FMNL2: variants seen among roughly 807,000 people sequenced by gnomAD.
The protein encoded by FMNL2 is formin-like protein 2.
In FMNL2, 51 loss-of-function variants were observed where a neutral mutation model predicts 130.2. The observed-to-expected ratio is 0.39, with a 90% CI of 0.31 to 0.49. The LOEUF (loss-of-function observed/expected upper bound fraction) is 0.49. Among genes scored for constraint, FMNL2 ranks in the 20% least tolerant of loss-of-function variants. The pLI is 0.85. For synonymous variants in FMNL2, 465 were observed against 467.1 expected (o/e 1.00, Z 0.06); for missense variants, 977 against 1,316.2 (o/e 0.74, Z 3.99).
intron 2 of FMNL2, among the ~76,000 whole-genome samples, chr2:152,522,487 T>C (rs1263100270): frequency 1.3e-5 from 2 of 152,212 alleles, no homozygotes; most frequent in Admixed American, 6.5e-5. Flanking sequence ...GGTTTGGCTG[T>C]GTCCCCACTC....
rs1580184753 is a variant in FMNL2, at chr2:152,647,968, T to C, written c.*63T>C. On this transcript the variant is annotated 3_prime_UTR_variant, in exon 26 of 26. Coordinates refer to ENST00000288670, the MANE Select transcript of FMNL2 (RefSeq NM_052905.4). ...AATGAAACTGCCCACATGAACTTTA[T>C]GTGCTACGATTTAACTGCAGCCTTG... The C allele has an allele frequency of 1.5e-6, 2 of 1,335,558 alleles. No individual in the cohort carries two copies. Among genetic ancestry groups the C allele is most frequent in the Non-Finnish European group, 1.0e-6 (1 of 962,848 alleles). 82.7% of individuals were successfully genotyped at this position (1,335,558 alleles called of 1,614,324 possible).
At chr2:152,570,002 C>T (rs1696088229) in intron 6 of FMNL2, among the ~76,000 whole-genome samples, 1 of 105,626 alleles carries the variant, frequency 9.5e-6, no homozygotes, top group African/African-American at 4.1e-5. Flanking sequence ...CAGAGTGAGA[C>T]TCTGTCTCAA....
chr2:152,504,325 C>T (rs1376075246), intron 1 of FMNL2, among the ~76,000 whole-genome samples: 1 of 151,062 alleles, frequency 6.6e-6, no homozygotes, highest in Admixed American at 6.6e-5. Flanking sequence ...CGGCTCACTG[C>T]AACCTCTGCC....
At chr2:152,571,731 C>T (rs538151878) in intron 6 of FMNL2, among the ~76,000 whole-genome samples, 3 of 152,284 alleles carry the variant, frequency 2.0e-5, no homozygotes, top group Non-Finnish European at 2.9e-5. Flanking sequence ...TGGCAAAGGA[C>T]CTGATGCAGG....
At chr2:152,361,633 C>G (rs1455509044) in intron 1 of FMNL2, among the ~76,000 whole-genome samples, 1 of 152,092 alleles carries the variant, frequency 6.6e-6, no homozygotes, top group South Asian at 2.1e-4. Flanking sequence ...TTTTAGCTTT[C>G]TGATTAACAG....
chr2:152,364,261 GTTTTTTTTTTTTT>G (rs869062341), intron 1 of FMNL2, among the ~76,000 whole-genome samples: 4 of 24,474 alleles, frequency 1.6e-4, no homozygotes, highest in Non-Finnish European at 1.9e-4. Context: ...AGGTTTGTGT[GTTTTTTTTTTTTT>G]TTTTTTTTTT....
chr2:152,362,152 G>A (rs1000673644), intron 1 of FMNL2, among the ~76,000 whole-genome samples: 1 of 151,908 alleles, frequency 6.6e-6, no homozygotes, highest in Non-Finnish European at 1.5e-5. Context: ...ACTTTTGAGT[G>A]TTTGCAAAGT....
At chr2:152,356,195 G>A (rs1386273286) in intron 1 of FMNL2, among the ~76,000 whole-genome samples, 1 of 152,178 alleles carries the variant, frequency 6.6e-6, no homozygotes, top group Non-Finnish European at 1.5e-5. Context: ...GGAGTGCAAT[G>A]GCACATGGCA....
chr2:152,467,486 A>G (rs1190240983), intron 1 of FMNL2, among the ~76,000 whole-genome samples: 1 of 152,182 alleles, frequency 6.6e-6, no homozygotes, highest in African/African-American at 2.4e-5. Flanking sequence ...GTTTCCTACA[A>G]ATCGAAGGCT....
chr2:152,342,131 A>G (rs7589218), intron 1 of FMNL2, among the ~76,000 whole-genome samples: 100,236 of 152,098 alleles, frequency 0.66, 35,879 homozygotes, highest in Non-Finnish European at 0.83. Context: ...TTGACTTTAT[A>G]AGAACTGTTG....
At chr2:152,612,270 C>G (rs1296027618) in intron 11 of FMNL2, among the ~76,000 whole-genome samples, 1 of 152,156 alleles carries the variant, frequency 6.6e-6, no homozygotes, top group Non-Finnish European at 1.5e-5. Context: ...CCTGTAATTC[C>G]AGCACTTTGG....
chr2:152,384,248 C>T (rs543245280), intron 1 of FMNL2, among the ~76,000 whole-genome samples: 1 of 152,302 alleles, frequency 6.6e-6, no homozygotes, highest in South Asian at 2.1e-4. Flanking sequence ...CAAGGATTGG[C>T]TGACTCCAAA....
intron 1 of FMNL2, among the ~76,000 whole-genome samples, chr2:152,396,849 A>T (rs1415443682): frequency 6.6e-6 from 1 of 152,192 alleles, no homozygotes. Flanking sequence ...TTCCATCATT[A>T]AGAAAAAAAC....
rs35066174 is a variant in FMNL2 at position 152,558,730 on chromosome 2, T to C, written c.360-10T>C. ...TTCTCCAATGATTTTTTTTTTTTTT[T>C]CCCCAACAGATGGGTCAGAGAATTT... On this transcript the variant is annotated splice_polypyrimidine_tract_variant and intron_variant, in intron 4 of 25. Transcript: ENST00000288670. 913,366 of 1,554,774 alleles carry C rather than the reference T, an allele frequency of 0.59. 255,665 individuals are homozygous for C. Among genetic ancestry groups the C allele is most frequent in the Non-Finnish European group, 0.61 (698,672 of 1,137,840 alleles).
intron 15 of FMNL2, chr2:152,622,532 A>G (rs1266138192): frequency 6.6e-6 from 3 of 456,718 alleles, no homozygotes; most frequent in East Asian, 6.9e-5. Context: ...CTGCTTCCAC[A>G]AAAGATGGGC....
chr2:152,390,538 G>A, intron 1 of FMNL2: 1 of 1,533,604 alleles, frequency 6.5e-7, no homozygotes, highest in Non-Finnish European at 9.0e-7. Flanking sequence ...AAGTCCATGG[G>A]GCTGCCAATC....
chr2:152,375,877 C>CTCTCTCTATATATATATATA lies in FMNL2; in HGVS notation c.117+40158_117+40159insCTCTCTATATATATATATAT, dbSNP rs796954245. Among the ~76,000 whole-genome samples, 79 of 112,446 alleles carry CTCTCTCTATATATATATATA rather than the reference C, an allele frequency of 7.0e-4. 2 individuals are homozygous for CTCTCTCTATATATATATATA. In the East Asian group the frequency reaches 0.016, roughly 23 times the overall value. 73.8% of individuals were successfully genotyped at this position (112,446 alleles called of 152,430 possible). A position where few individuals can be genotyped will look rare whatever the true frequency, so the allele number is the denominator to read the frequency against. On this transcript the variant is annotated intron_variant, in intron 1 of 25. Transcript: ENST00000288670. ...TCTCTCTCTCTCTCTCTCTCTCTCTCTATATATATATATATATATAATTAT... is the reference window on the plus strand; with the variant it reads ...TCTCTCTCTCTCTCTCTCTCTCTCTCTCTCTCTATATATATATATATATATATATATATATATATAATTAT...
intron 1 of FMNL2, among the ~76,000 whole-genome samples, chr2:152,491,338 G>A (rs1455958790): frequency 1.3e-5 from 2 of 152,154 alleles, no homozygotes; most frequent in African/African-American, 4.8e-5. Context: ...GGTAGGGTGA[G>A]TGGAAGCTCT....
In FMNL2 at chr2:152,611,115, C is replaced by T. The variant is rs1038733642; in HGVS notation, c.952-380C>T. Among the ~76,000 whole-genome samples the T allele has an allele frequency of 8.5e-5, 13 of 152,058 alleles. No individual in the cohort carries two copies. The South Asian group carries it at 1.9e-3, about 22-fold the overall frequency. On this transcript the variant is annotated intron_variant, in intron 10 of 25. Coordinates refer to ENST00000288670, the MANE Select transcript of FMNL2 (RefSeq NM_052905.4). ...CAGCACTTTGGGAGGCCCAGGCCGG[C>T]GGATCACGAGGTCAGGTGTTTGAGA... is the stretch of plus-strand genomic sequence containing the variant.
Sources: allele counts gnomAD v4.1 joint callset (sites outside exome capture counted in the v4.1 genomes callset), GRCh38; gene constraint gnomAD v4.1.1; transcripts MANE v1.5; gene names NCBI Gene and HGNC (gene_info 2026-07-23, HGNC 2026-07-21).